The following TSHZ2 variants were observed in gnomAD, a reference collection of about 807,000 sequenced individuals.
The protein encoded by TSHZ2 is teashirt zinc finger homeobox 2, also known as teashirt homolog 2.
Under a neutral mutation model 74.4 loss-of-function variants are expected in TSHZ2, and 21 were observed. The observed-to-expected ratio is 0.28, with a 90% CI of 0.20 to 0.41. The LOEUF is 0.41. Ranked by LOEUF, TSHZ2 falls within the 10% of genes least tolerant of loss-of-function variation. The pLI is 1.00. For missense variants in TSHZ2, 1,244 were observed against 1,293.5 expected, an observed-to-expected ratio of 0.96 and a Z score of 0.59; for synonymous variants, 540 against 515.3, an observed-to-expected ratio of 1.05 and a Z score of -0.65.
chr20:53,153,004 G>T (rs1422136917), intron 1 of TSHZ2, among the ~76,000 whole-genome samples: 3 of 152,164 alleles, frequency 2.0e-5, no homozygotes, highest in Non-Finnish European at 2.9e-5. Context: ...TGGGAGAGAG[G>T]TTGATAGGGA....
chr20:53,305,519 C>T (rs1978496516), intron 2 of TSHZ2, among the ~76,000 whole-genome samples: 2 of 152,114 alleles, frequency 1.3e-5, no homozygotes, highest in African/African-American at 4.8e-5. Context: ...TTATAAAAAA[C>T]GCTCCTTATA....
At chr20:53,129,705 C>T (rs934510847) in intron 1 of TSHZ2, among the ~76,000 whole-genome samples, 3 of 152,108 alleles carry the variant, frequency 2.0e-5, no homozygotes, top group Admixed American at 6.5e-5. Context: ...TGAAGGTCGG[C>T]GCTGACGGTG....
chr20:53,006,737 C>T (rs1431783747), intron 1 of TSHZ2, among the ~76,000 whole-genome samples: 1 of 151,646 alleles, frequency 6.6e-6, no homozygotes, highest in East Asian at 1.9e-4. Flanking sequence ...ACATGTAGTC[C>T]TTCATTCTTC....
intron 2 of TSHZ2, among the ~76,000 whole-genome samples, chr20:53,347,835 T>C (rs922061006): frequency 6.6e-6 from 1 of 152,174 alleles, no homozygotes; most frequent in African/African-American, 2.4e-5. Context: ...TAACATAAAA[T>C]TCACCGTTTT....
chr20:53,344,943 G>A (rs1261211784), intron 2 of TSHZ2, among the ~76,000 whole-genome samples: 2 of 152,224 alleles, frequency 1.3e-5, no homozygotes, highest in African/African-American at 2.4e-5. Context: ...TGGGTAGATG[G>A]ACAATTCAAC....
chr20:53,163,300 C>A (rs1302139712), intron 1 of TSHZ2, among the ~76,000 whole-genome samples: 1 of 146,404 alleles, frequency 6.8e-6, no homozygotes, highest in Non-Finnish European at 1.5e-5. Flanking sequence ...ATGTCACTTC[C>A]AAGATTAGGT....
chr20:53,301,311 G>A (rs763986805), intron 2 of TSHZ2, among the ~76,000 whole-genome samples: 14 of 152,220 alleles, frequency 9.2e-5, no homozygotes, highest in Non-Finnish European at 4.4e-5. Flanking sequence ...ACAAAGTGAG[G>A]TAGCAGAAAG....
intron 2 of TSHZ2, among the ~76,000 whole-genome samples, chr20:53,407,071 CAT>C (rs1056312162): frequency 6.6e-6 from 1 of 152,188 alleles, no homozygotes; most frequent in African/African-American, 2.4e-5. Context: ...GGGGTAACAT[CAT>C]GTGTACAGTG....
intron 1 of TSHZ2, among the ~76,000 whole-genome samples, chr20:53,097,237 T>C (rs1365143208): frequency 6.6e-6 from 1 of 152,210 alleles, no homozygotes; most frequent in African/African-American, 2.4e-5. Flanking sequence ...GGGGACAGAA[T>C]GACCATCTGG....
intron 1 of TSHZ2, among the ~76,000 whole-genome samples, chr20:53,237,010 A>G (rs973349458): frequency 3.9e-5 from 6 of 152,192 alleles, no homozygotes; most frequent in Non-Finnish European, 4.4e-5. Context: ...AGACCACATC[A>G]GTGATCTCAG....
chr20:52,987,984 AT>A (rs546472388), intron 1 of TSHZ2, among the ~76,000 whole-genome samples: 1 of 151,978 alleles, frequency 6.6e-6, no homozygotes, highest in Non-Finnish European at 1.5e-5. Flanking sequence ...TCTGTTTCAT[AT>A]TTTTTCATAC....
chr20:53,197,685 G>A (rs772698974), intron 1 of TSHZ2, among the ~76,000 whole-genome samples: 4 of 152,178 alleles, frequency 2.6e-5, no homozygotes, highest in African/African-American at 7.2e-5. Context: ...CGGAGGAACC[G>A]AGTCTCCCGT....
chr20:53,004,483 C>A (rs902698740), intron 1 of TSHZ2, among the ~76,000 whole-genome samples: 43 of 152,148 alleles, frequency 2.8e-4, no homozygotes, highest in African/African-American at 1.0e-3. Flanking sequence ...AGGCGTTGCC[C>A]CGCCACCTCT....
intron 1 of TSHZ2, among the ~76,000 whole-genome samples, chr20:53,184,728 A>C (rs771197868): frequency 6.6e-6 from 1 of 152,066 alleles, no homozygotes; most frequent in Non-Finnish European, 1.5e-5. Flanking sequence ...TAATTTTTTG[A>C]GACAGAATCT....
At chr20:53,066,971 G>T (rs1440802556) in intron 1 of TSHZ2, among the ~76,000 whole-genome samples, 5 of 152,164 alleles carry the variant, frequency 3.3e-5, no homozygotes, top group Non-Finnish European at 2.9e-5. Context: ...AGTGGGACCA[G>T]CTCCTCACAT....
intron 2 of TSHZ2, among the ~76,000 whole-genome samples, chr20:53,436,542 A>ATTTTTTTT (rs1227006046): frequency 1.0e-4 from 10 of 98,890 alleles, no homozygotes; most frequent in African/African-American, 3.0e-4. Context: ...TATTATTATT[A>ATTTTTTTT]TTATTATTTT....
intron 1 of TSHZ2, chr20:53,196,188 A>G (rs745834156): frequency 1.3e-5 from 2 of 152,086 alleles, no homozygotes; most frequent in Non-Finnish European, 2.9e-5. Context: ...GCTGACAATA[A>G]GGAAGCAAGT....
chr20:53,014,812 TC>T (rs1334331321), intron 1 of TSHZ2, among the ~76,000 whole-genome samples: 2 of 152,116 alleles, frequency 1.3e-5, no homozygotes, highest in Non-Finnish European at 2.9e-5. Context: ...CAAATCCTGC[TC>T]CCCTCCACCT....
intron 1 of TSHZ2, among the ~76,000 whole-genome samples, chr20:53,223,898 AACACACAC>A (rs71675648): frequency 5.8e-4 from 84 of 145,496 alleles, no homozygotes; most frequent in East Asian, 4.1e-4. Context: ...TACAGGACTA[AACACACAC>A]ACACACACAC....
Sources: allele counts gnomAD v4.1 joint callset (sites outside exome capture counted in the v4.1 genomes callset), GRCh38; gene constraint gnomAD v4.1.1; transcripts MANE v1.5; gene names NCBI Gene and HGNC (gene_info 2026-07-23, HGNC 2026-07-21).